The following RP1L1 variants were observed in gnomAD, a reference collection of about 807,000 sequenced individuals.
The protein encoded by RP1L1 is retinitis pigmentosa 1-like 1 protein.
RP1L1 carries 27 observed loss-of-function variants against 15.7 expected under a neutral mutation model. The ratio of observed to expected loss-of-function variants is 1.72; its 90% CI spans 1.27 to 2.38. RP1L1 has a LOEUF of 2.38. Among genes scored for constraint, RP1L1 ranks in the 30% most tolerant of loss-of-function variants. The pLI is 0.00. For synonymous variants in RP1L1, 1,813 were observed against 1,276.7 expected (o/e 1.42, Z -8.96); for missense variants, 4,798 against 3,075.9 (o/e 1.56, Z -13.24).
intron 2 of RP1L1, among the ~76,000 whole-genome samples, 197 bp downstream of exon 2, chr8:10,622,396 A>G (rs994664159): frequency 2.0e-5 from 3 of 151,830 alleles, no homozygotes; most frequent in Non-Finnish European, 4.4e-5. Context: ...ATGCTCTCTA[A>G]ATATACCTAA....
At chr8:10,614,553 C>T (rs1423371684) in intron 3 of RP1L1, among the ~76,000 whole-genome samples, 2 of 150,554 alleles carry the variant, frequency 1.3e-5, no homozygotes, top group African/African-American at 2.4e-5. Context: ...CCCAGCCACT[C>T]GGGAGGCTGA....
At position 10,609,547 on chromosome 8, in the gene RP1L1, G is replaced by C. The variant is rs749785246; in HGVS notation, c.4551C>G (p.Ile1517Met). Residue 1517 changes from isoleucine (I) to methionine (M), a missense_variant, in exon 4 of 4, where the codon ATC (isoleucine) becomes ATG (methionine). Ile to Met is a conservative substitution (Grantham distance 10). Coordinates refer to ENST00000382483, the MANE Select transcript of RP1L1 (RefSeq NM_178857.6). ...ACSAALDCDP[I>M]WVSVLLKKTE... ...TCTTCTTCAGTAACACGGACACCCA[G>C]ATGGGGTCGCAGTCCAGAGCCGCGC... is the stretch of plus-strand genomic sequence containing the variant. The C allele has an allele frequency of 2.2e-5, 35 of 1,605,294 alleles. No homozygotes were observed. The highest frequency in any genetic ancestry group is 2.9e-5 in the Non-Finnish European group (34 of 1,177,300).
At chr8:10,617,546 C>CTTTTTT (rs777209714) in intron 2 of RP1L1, among the ~76,000 whole-genome samples, 540 of 63,510 alleles carry the variant, frequency 8.5e-3, no homozygotes, top group Middle Eastern at 0.05. Context: ...GTTTCTTTTT[C>CTTTTTT]TTTTTTTTTT....
At chr8:10,631,578 C>T (rs907965094) in intron 1 of RP1L1, among the ~76,000 whole-genome samples, 17 of 152,190 alleles carry the variant, frequency 1.1e-4, no homozygotes, top group East Asian at 1.9e-4. Context: ...GAGAGATGGC[C>T]GGGAAATCCC....
intron 1 of RP1L1, among the ~76,000 whole-genome samples, chr8:10,629,106 A>G (rs1487232431): frequency 6.6e-6 from 1 of 152,250 alleles, no homozygotes; most frequent in East Asian, 1.9e-4. Context: ...ATGGAGTGAG[A>G]AGTACGGTAA....
At chr8:10,640,865 G>C (rs1216079702) in intron 1 of RP1L1, among the ~76,000 whole-genome samples, 1 of 152,008 alleles carries the variant, frequency 6.6e-6, no homozygotes, top group Non-Finnish European at 1.5e-5. Flanking sequence ...TGACCTCCCA[G>C]GCTGAAGCGA....
intron 1 of RP1L1, among the ~76,000 whole-genome samples, chr8:10,645,487 C>T (rs1348763312): frequency 1.3e-5 from 2 of 152,206 alleles, no homozygotes; most frequent in African/African-American, 4.8e-5. Context: ...ATAGATCCTA[C>T]TCACCAGGGG....
chr8:10,652,314 G>C (rs938044719), intron 1 of RP1L1, among the ~76,000 whole-genome samples: 3 of 152,134 alleles, frequency 2.0e-5, no homozygotes, highest in Non-Finnish European at 4.4e-5. Flanking sequence ...ATAGAACTTA[G>C]GGCCCCAGCT....
Position 10,622,863 on chromosome 8 carries a change from G to C in RP1L1, c.339C>G (p.Pro113=). The C allele has an allele frequency of 6.2e-7, 1 of 1,613,048 alleles. No homozygotes were observed. Among genetic ancestry groups the C allele is most frequent in the Non-Finnish European group, 8.5e-7 (1 of 1,179,328 alleles). The change falls in exon 2 of 4, where the codon CCC becomes CCG. Residue 113 remains proline (P), a synonymous_variant. Coordinates refer to ENST00000382483, the MANE Select transcript of RP1L1 (RefSeq NM_178857.6). ...LCSDKKPPKT[P]SGPGRPQERN... ...TCTCCTGTGGCCGGCCTGGTCCACT[G>C]GGGGTCTTGGGGGGCTTCTTATCAG...
Position 10,606,444 on chromosome 8 carries a change from A to C in RP1L1, c.*451T>G, listed in dbSNP as rs1797703269. ...TCATCAAATATATTCAAGACTAGAA[A>C]AAAAGCACCTCAAAGTCAAATGAGG... is the stretch of plus-strand genomic sequence containing the variant. On this transcript the variant is annotated 3_prime_UTR_variant, in exon 4 of 4. Transcript: ENST00000382483. 2 of 169,244 alleles carry C rather than the reference A, an allele frequency of 1.2e-5. No individual in the cohort carries two copies. Among genetic ancestry groups the C allele is most frequent in the South Asian group, 1.5e-4 (1 of 6,514 alleles). The allele number at this position is 169,244 out of a possible 1,614,324, so 10.5% of individuals were successfully genotyped here.
intron 2 of RP1L1, among the ~76,000 whole-genome samples, chr8:10,616,788 C>T (rs4543504): frequency 0.95 from 144,638 of 152,212 alleles, 68,746 homozygotes; most frequent in East Asian, 1. Context: ...CCCACCACCA[C>T]GATCTCCCGC....
intron 1 of RP1L1, among the ~76,000 whole-genome samples, chr8:10,624,880 C>A (rs1430263547): frequency 6.6e-6 from 1 of 152,178 alleles, no homozygotes; most frequent in African/African-American, 2.4e-5. Flanking sequence ...AAGAGCCCCA[C>A]TGAGATGTGG....
At chr8:10,634,766 C>A (rs567624748) in intron 1 of RP1L1, among the ~76,000 whole-genome samples, 1 of 152,144 alleles carries the variant, frequency 6.6e-6, no homozygotes, top group Non-Finnish European at 1.5e-5. Flanking sequence ...CCACCAGCCC[C>A]GGGGACCCCT....
At position 10,606,925 on chromosome 8, in the gene RP1L1, G is replaced by A. The variant is rs182633028; in HGVS notation, c.7173C>T (p.Asp2391=). 63 of 1,614,232 alleles carry A rather than the reference G, an allele frequency of 3.9e-5. No homozygotes were observed. The highest frequency in any genetic ancestry group is 1.6e-4 in the Middle Eastern group (1 of 6,062). ...AATCTAAGTCATCTTGGCCAAAGCC[G>A]TCTGCCCTGCCCACTGCCTCAGTGG... ...LAPTEAVGRA[D]GFGQDDLDF The change falls in exon 4 of 4, where the codon GAC becomes GAT. Residue 2391 remains aspartate, a synonymous_variant. Transcript: ENST00000382483.
Position 10,608,293 on chromosome 8 carries a change from T to C in RP1L1, c.5805A>G (p.Ser1935=). 1 of 1,600,544 alleles carries C rather than the reference T, an allele frequency of 6.2e-7. No homozygotes were observed. Among genetic ancestry groups the C allele is most frequent in the Non-Finnish European group, 8.5e-7 (1 of 1,170,512 alleles). ...LETEGEDEPE[S]EGAEAQEAEE... is the part of the protein sequence containing the mutation. ...CTGCCTCTTGGGCCTCTGCACCTTC[T>C]GACTCTGGCTCGTCCTCCCCTTCAG... Residue 1935 remains serine, a synonymous_variant, in exon 4 of 4, where the codon TCA becomes TCG. Transcript: ENST00000382483.
rs1381296598 is a variant in RP1L1, at chr8:10,622,871, T to C, written c.331A>G (p.Lys111Glu). The C allele has an allele frequency of 1.1e-5, 17 of 1,613,154 alleles. No homozygotes were observed. The East Asian group carries it at 3.8e-4, about 36-fold the overall frequency. Reference sequence around the variant, plus strand: ...GGCCGGCCTGGTCCACTGGGGGTCTTGGGGGGCTTCTTATCAGAGCAGAGG... The same window carrying C: ...GGCCGGCCTGGTCCACTGGGGGTCTCGGGGGGCTTCTTATCAGAGCAGAGG... ...CYLCSDKKPP[K>E]TPSGPGRPQE... Residue 111 changes from lysine (K) to glutamate (E), a missense_variant, in exon 2 of 4, where the codon AAG becomes GAG. By Grantham distance (56) the Lys-to-Glu change is moderately conservative. Transcript: ENST00000382483.
At chr8:10,640,768 T>C (rs1332905439) in intron 1 of RP1L1, among the ~76,000 whole-genome samples, 2 of 152,102 alleles carry the variant, frequency 1.3e-5, no homozygotes, top group African/African-American at 2.4e-5. Context: ...AAGATTGTGC[T>C]ATATATTTTT....
intron 3 of RP1L1, 64 bp from the exon 4 acceptor site, chr8:10,613,410 G>C (rs1312650039): frequency 1.5e-5 from 24 of 1,591,538 alleles, no homozygotes; most frequent in East Asian, 1.3e-4. Flanking sequence ...GCAGCATCAG[G>C]ATAAAGGAAT....
chr8:10,609,290 G>A lies in RP1L1; in HGVS notation c.4808C>T (p.Thr1603Ile). The part of the protein sequence containing the change: ...EALTGELLLQ[T>I]QQRRHRLRGL... ...CCGGAGACGGTGTCTGCGCTGCTGGGTCTGCAGGAGCAGCTCCCCGGTGAG... is the reference window on the plus strand; with the variant it reads ...CCGGAGACGGTGTCTGCGCTGCTGGATCTGCAGGAGCAGCTCCCCGGTGAG... The change falls in exon 4 of 4, where the codon ACC becomes ATC. Residue 1603 changes from threonine to isoleucine, a missense_variant. Transcript: ENST00000382483. 6.2e-7 allele frequency: 1 copy of A among 1,610,712 alleles called. No homozygotes were observed. Among genetic ancestry groups the A allele is most frequent in the South Asian group, 1.1e-5 (1 of 90,986 alleles).
Sources: gnomAD v4.1 joint callset for allele counts (sites outside exome capture counted in the v4.1 genomes callset) on GRCh38, gnomAD v4.1.1 for gene constraint, MANE v1.5 for transcripts, NCBI Gene and HGNC (gene_info 2026-07-23, HGNC 2026-07-21) for gene names.